The following THADA variants were observed in gnomAD, a reference collection of about 807,000 sequenced individuals.
The protein encoded by THADA is tRNA (32-2'-O)-methyltransferase regulator THADA.
Under a neutral mutation model 219.8 loss-of-function variants are expected in THADA, and 213 were observed. The observed-to-expected ratio is 0.97, with a 90% confidence interval of 0.87 to 1.09. The LOEUF (loss-of-function observed/expected upper bound fraction) is 1.09. THADA is among the 50% of genes least tolerant of loss of function. The pLI is 0.00. For synonymous variants in THADA, 1,018 were observed against 828.9 expected (o/e 1.23, Z -3.92); for missense variants, 2,956 against 2,311.3 (o/e 1.28, Z -5.72).
chr2:43,542,971 C>T (rs1478217434), intron 20 of THADA, among the ~76,000 whole-genome samples: 3 of 151,046 alleles, frequency 2.0e-5, no homozygotes, highest in Admixed American at 1.3e-4. Context: ...CACCCATTAA[C>T]TACTCATTTA....
chr2:43,281,305 A>G (rs1376647321), intron 35 of THADA, among the ~76,000 whole-genome samples: 3 of 151,824 alleles, frequency 2.0e-5, no homozygotes, highest in South Asian at 4.2e-4. Context: ...AGGGTTCAAT[A>G]CCTTCCTTTC....
In THADA at chr2:43,570,478, T is replaced by C. The variant is rs375004182; in HGVS notation, c.2097A>G (p.Val699=). ...ATTTACTCTGCTCCAATTTATAAAG[T>C]ACCTGAGAACTTTCCTGTATCCTAC... ...LFCRIQESSQ[V]LYKLEQSKSK... The change falls in exon 14 of 38, where the codon GTA becomes GTG. Residue 699 remains valine (V), a synonymous_variant. Coordinates refer to ENST00000405975, the MANE Select transcript of THADA (RefSeq NM_022065.5). 17 of 1,612,960 alleles carry C rather than the reference T, an allele frequency of 1.1e-5. No homozygotes were observed. In the African/African-American group the frequency reaches 2.1e-4, roughly 20 times the overall value.
intron 29 of THADA, among the ~76,000 whole-genome samples, chr2:43,359,427 C>A (rs1288028764): frequency 1.3e-5 from 2 of 152,224 alleles, no homozygotes; most frequent in Non-Finnish European, 2.9e-5. Flanking sequence ...TGCCGGTAAT[C>A]CCAGGACTTT....
intron 11 of THADA, 43 bp from the exon 12 acceptor site, chr2:43,573,035 A>G (rs11898207): frequency 0.33 from 480,361 of 1,448,388 alleles, 80,266 homozygotes; most frequent in South Asian, 0.41. Context: ...TTATGCAATG[A>G]CTACTATAAT....
intron 26 of THADA, among the ~76,000 whole-genome samples, chr2:43,478,821 T>A (rs1685846167): frequency 6.6e-6 from 1 of 152,202 alleles, no homozygotes; most frequent in Non-Finnish European, 1.5e-5. Flanking sequence ...AGTTAAAAAC[T>A]TTATTTGTGG....
intron 28 of THADA, among the ~76,000 whole-genome samples, chr2:43,412,721 C>T (rs1224598725): frequency 6.6e-6 from 1 of 152,330 alleles, no homozygotes; most frequent in African/African-American, 2.4e-5. Flanking sequence ...ACTGCTTTAA[C>T]TAACCATGCT....
At chr2:43,586,613 C>T (rs1701054691) in intron 6 of THADA, 89 bp downstream of exon 6, 2 of 1,432,240 alleles carry the variant, frequency 1.4e-6, no homozygotes, top group African/African-American at 2.9e-5. Context: ...CAATGCTCTA[C>T]CTATTACCAA....
At chr2:43,327,164 TG>T (rs1679428598) in intron 30 of THADA, among the ~76,000 whole-genome samples, 1 of 152,120 alleles carries the variant, frequency 6.6e-6, no homozygotes, top group South Asian at 2.1e-4. Context: ...GGGTTTGAGC[TG>T]GTGAAAGAGA....
intron 3 of THADA, 60 bp downstream of exon 3, chr2:43,591,892 T>A (rs538321897): frequency 8.6e-6 from 10 of 1,168,888 alleles, no homozygotes; most frequent in Middle Eastern, 2.2e-4. Context: ...TGATTTTTTT[T>A]AAATCCTTAA....
At chr2:43,240,878 G>C (rs1035557785) in intron 36 of THADA, among the ~76,000 whole-genome samples, 1 of 152,218 alleles carries the variant, frequency 6.6e-6, no homozygotes, top group African/African-American at 2.4e-5. Context: ...GTGCTGGCCA[G>C]AGCTCTCAAG....
At chr2:43,351,746 G>C (rs1208823677) in intron 29 of THADA, among the ~76,000 whole-genome samples, 1 of 152,194 alleles carries the variant, frequency 6.6e-6, no homozygotes, top group East Asian at 1.9e-4. Flanking sequence ...GCAGCAGCTG[G>C]GGTGCTAAAA....
chr2:43,421,040 A>G (rs1337413779), intron 28 of THADA, among the ~76,000 whole-genome samples: 1 of 152,222 alleles, frequency 6.6e-6, no homozygotes, highest in East Asian at 1.9e-4. Flanking sequence ...CTAAAACACC[A>G]CCATTAGAGT....
chr2:43,427,656 A>T (rs966678301), intron 28 of THADA, among the ~76,000 whole-genome samples: 6 of 149,024 alleles, frequency 4.0e-5, no homozygotes, highest in African/African-American at 1.2e-4. Context: ...GTTTACATAT[A>T]TAAAAAAATA....
rs551643856 is a variant in THADA, at chr2:43,567,887, T to C, written c.2188-1066A>G. On this transcript the variant is annotated intron_variant, in intron 14 of 37. Coordinates refer to ENST00000405975, the MANE Select transcript of THADA (RefSeq NM_022065.5). ...TCACTGAAAGCTATCCATTTTCAAC[T>C]TGATTCTTTGGATTCACTTCCCATT... Among the ~76,000 whole-genome samples, 7 of 152,248 alleles carry C rather than the reference T, an allele frequency of 4.6e-5. No individual in the cohort carries two copies. In the East Asian group the frequency reaches 9.6e-4, roughly 21 times the overall value.
chr2:43,335,512 T>G (rs1189870926), intron 30 of THADA, among the ~76,000 whole-genome samples: 1 of 152,194 alleles, frequency 6.6e-6, no homozygotes, highest in Non-Finnish European at 1.5e-5. Context: ...ATGATTCGAT[T>G]TGATAAGACT....
intron 17 of THADA, among the ~76,000 whole-genome samples, chr2:43,552,570 C>T (rs1386062463): frequency 1.3e-5 from 2 of 152,106 alleles, no homozygotes; most frequent in African/African-American, 4.8e-5. Flanking sequence ...ACTCTTAGTC[C>T]TTCCTCCTAA....
At chr2:43,540,263 G>A (rs1558935919) in intron 21 of THADA, among the ~76,000 whole-genome samples, 1 of 152,198 alleles carries the variant, frequency 6.6e-6, no homozygotes, top group Non-Finnish European at 1.5e-5. Flanking sequence ...AATGTCCTGT[G>A]CGCCTTTGCC....
intron 28 of THADA, chr2:43,408,523 G>C (rs1400532043): frequency 6.6e-6 from 1 of 152,182 alleles, no homozygotes; most frequent in Non-Finnish European, 1.5e-5. Flanking sequence ...AGCTTTAAGT[G>C]ACTTTTTTGG....
chr2:43,371,634 G>C (rs999698771), intron 29 of THADA, among the ~76,000 whole-genome samples: 5 of 152,108 alleles, frequency 3.3e-5, no homozygotes, highest in African/African-American at 1.2e-4. Context: ...TCACTGACTT[G>C]ATTTTCAAAC....
Sources: allele counts gnomAD v4.1 joint callset (sites outside exome capture counted in the v4.1 genomes callset), GRCh38; gene constraint gnomAD v4.1.1; transcripts MANE v1.5; gene names NCBI Gene and HGNC (gene_info 2026-07-23, HGNC 2026-07-21).